The following USP32 variants were observed in gnomAD, a reference collection of about 807,000 sequenced individuals.
The protein encoded by USP32 is ubiquitin carboxyl-terminal hydrolase 32.
USP32 carries 59 observed loss-of-function variants against 204.8 expected under a neutral mutation model. The ratio of observed to expected loss-of-function variants is 0.29; its 90% confidence interval spans 0.23 to 0.36. USP32 has a LOEUF of 0.36. Among genes scored for constraint, USP32 ranks in the 10% least tolerant of loss-of-function variants. The probability of loss-of-function intolerance (pLI) is 1.00; values close to 1 mark genes in which losing one functional copy is unlikely to be tolerated. For missense variants in USP32, 1,160 were observed against 1,946.4 expected (o/e 0.60, Z 7.60); for synonymous variants, 517 against 678.4 (o/e 0.76, Z 3.70).
At chr17:60,410,205 G>T (rs2143073011) in intron 1 of USP32, among the ~76,000 whole-genome samples, 1 of 152,200 alleles carries the variant, frequency 6.6e-6, no homozygotes, top group East Asian at 1.9e-4. Context: ...ATCTGGTCTT[G>T]TAACCCCCAG....
chr17:60,378,761 G>C (rs2089596477), intron 1 of USP32, among the ~76,000 whole-genome samples: 1 of 152,040 alleles, frequency 6.6e-6, no homozygotes, highest in African/African-American at 2.4e-5. Context: ...TAGAATAGAG[G>C]TTACCAGGGG....
chr17:60,243,186 A>T (rs968936401), intron 11 of USP32, among the ~76,000 whole-genome samples: 3 of 152,200 alleles, frequency 2.0e-5, no homozygotes, highest in East Asian at 3.8e-4. Context: ...TGACAATTCA[A>T]TTGATTGCTT....
At chr17:60,221,836 T>C (rs1260101170) in intron 15 of USP32, among the ~76,000 whole-genome samples, 4 of 152,206 alleles carry the variant, frequency 2.6e-5, no homozygotes, top group Non-Finnish European at 5.9e-5. Context: ...CATCTTGTTA[T>C]ATTTTACTTC....
intron 1 of USP32, among the ~76,000 whole-genome samples, chr17:60,385,322 C>T (rs757665381): frequency 3.3e-5 from 5 of 152,212 alleles, no homozygotes; most frequent in African/African-American, 4.8e-5. Context: ...TTGGACTCAG[C>T]CCGCCTGCAC....
chr17:60,339,583 CA>C (rs1420937665), intron 2 of USP32, among the ~76,000 whole-genome samples: 1,188 of 65,928 alleles, frequency 0.018, 14 homozygotes, highest in African/African-American at 0.039. Context: ...AACTCCATCT[CA>C]AAAAAAAAAA....
intron 29 of USP32, among the ~76,000 whole-genome samples, chr17:60,188,793 C>A (rs1324823044): frequency 1.3e-5 from 2 of 152,150 alleles, no homozygotes; most frequent in Non-Finnish European, 2.9e-5. Flanking sequence ...CCAATTTAAA[C>A]CACGGTATCT....
chr17:60,376,731 A>C (rs975301849), intron 1 of USP32, among the ~76,000 whole-genome samples: 2 of 151,972 alleles, frequency 1.3e-5, no homozygotes, highest in African/African-American at 4.8e-5. Flanking sequence ...CATGTTGGCC[A>C]GGCTGGTCTC....
At chr17:60,293,367 A>G (rs978523697) in intron 4 of USP32, among the ~76,000 whole-genome samples, 1 of 152,250 alleles carries the variant, frequency 6.6e-6, no homozygotes, top group South Asian at 2.1e-4. Context: ...CAAAAATCCA[A>G]TCAGTCAAGT....
At chr17:60,296,599 C>T (rs2145875826) in intron 3 of USP32, among the ~76,000 whole-genome samples, 1 of 152,286 alleles carries the variant, frequency 6.6e-6, no homozygotes, top group Middle Eastern at 3.4e-3. Context: ...TTGTTCTAAG[C>T]TACCCAGTTT....
intron 1 of USP32, among the ~76,000 whole-genome samples, chr17:60,349,597 A>AATATATATATATATATATATATATAT (rs2088880636): frequency 2.6e-5 from 1 of 38,554 alleles, no homozygotes; most frequent in Non-Finnish European, 4.5e-5. Flanking sequence ...AAAAAAAAAA[A>AATATATATATATATATATATATATAT]TATATATATA....
At chr17:60,373,385 G>A (rs1045402178) in intron 1 of USP32, among the ~76,000 whole-genome samples, 2 of 151,624 alleles carry the variant, frequency 1.3e-5, no homozygotes, top group South Asian at 4.2e-4. Context: ...TGTGCAATTC[G>A]GTTACACCAA....
rs767062719 is a variant in USP32 at position 60,323,512 on chromosome 17, T to C, written c.187-21808A>G. ...ATGACTGTTAAAGTAAGGTTTCTTT[T>C]TGGGGAGATGAAACTGTGGTAATGG... On this transcript the variant is annotated intron_variant, in intron 2 of 33. Transcript: ENST00000300896. 4.5e-4 allele frequency among the ~76,000 whole-genome samples: 69 copies of C among 152,170 alleles called. 1 individual carries two copies. Among genetic ancestry groups the C allele is most frequent in the Non-Finnish European group, 7.5e-4 (51 of 68,022 alleles).
At chr17:60,257,797 T>G (rs115654059) in intron 9 of USP32, among the ~76,000 whole-genome samples, 247 of 147,760 alleles carry the variant, frequency 1.7e-3, no homozygotes, top group African/African-American at 5.9e-3. Flanking sequence ...CTTTTTGGTG[T>G]TTTTTTTTTC....
At chr17:60,211,748 C>T (rs2084972365) in intron 19 of USP32, among the ~76,000 whole-genome samples, 1 of 151,752 alleles carries the variant, frequency 6.6e-6, no homozygotes. Context: ...TTTTTAATTG[C>T]TATGATTTTT....
At chr17:60,323,211 T>C (rs2088154048) in intron 2 of USP32, among the ~76,000 whole-genome samples, 1 of 152,128 alleles carries the variant, frequency 6.6e-6, no homozygotes, top group Admixed American at 6.5e-5. Flanking sequence ...GCAGCATTAT[T>C]TATAATAACA....
At position 60,288,612 on chromosome 17, in the gene USP32, C is replaced by T. The variant is rs1334734642; in HGVS notation, c.482G>A (p.Arg161Gln). Residue 161 changes from arginine to glutamine, a missense_variant, in exon 5 of 34, where the codon CGA becomes CAA. Physicochemically the swap from Arg to Gln is conservative, Grantham distance 43. This residue lies in a region of USP32 where 536 missense variants were observed against 680.9 expected (regional missense o/e 0.79). Transcript: ENST00000300896. ...ATACACACCTCCAGATAGAAGCCAT[C>T]GAGAGAAAGTAAAAGCATCTTTGTT... ...FLNKDAFTFSRWLLSGGVYVT... is the reference protein window; with the variant it reads ...FLNKDAFTFSQWLLSGGVYVT... 9.3e-6 allele frequency: 15 copies of T among 1,613,520 alleles called. No individual in the cohort carries two copies. The highest frequency in any genetic ancestry group is 6.7e-5 in the African/African-American group (5 of 74,944).
At chr17:60,257,839 T>C (rs966480743) in intron 9 of USP32, among the ~76,000 whole-genome samples, 1 of 151,910 alleles carries the variant, frequency 6.6e-6, no homozygotes, top group African/African-American at 2.4e-5. Context: ...ACTCAAGGAG[T>C]TCTGCTGGTT....
intron 1 of USP32, among the ~76,000 whole-genome samples, chr17:60,406,934 G>T (rs1318319622): frequency 6.6e-6 from 1 of 152,120 alleles, no homozygotes; most frequent in Admixed American, 6.6e-5. Context: ...GATCATGATG[G>T]AGTTAAAAGG....
intron 27 of USP32, among the ~76,000 whole-genome samples, chr17:60,195,259 G>A (rs1244189694): frequency 6.6e-6 from 1 of 152,194 alleles, no homozygotes; most frequent in Non-Finnish European, 1.5e-5. Context: ...CATTTGAAAC[G>A]ACTATCACTC....
Sources: gnomAD v4.1 joint callset for allele counts (sites outside exome capture counted in the v4.1 genomes callset) on GRCh38, gnomAD v4.1.1 for gene constraint, gnomAD v4.1.1 regional missense constraint, MANE v1.5 for transcripts, NCBI Gene and HGNC (gene_info 2026-07-23, HGNC 2026-07-21) for gene names.